ZNHIT3: variants seen among roughly 807,000 people sequenced by gnomAD.
The protein encoded by ZNHIT3 is zinc finger HIT-type containing 3.
A neutral mutation model predicts 19.9 loss-of-function variants in ZNHIT3; 27 were observed. That is an observed-to-expected ratio of 1.36 (90% CI 1.00 to 1.87). The LOEUF (loss-of-function observed/expected upper bound fraction) is 1.87, where lower values mean the gene tolerates loss of function less well. Among genes scored for constraint, ZNHIT3 ranks in the 40% most tolerant of loss-of-function variants. ZNHIT3 has a pLI of 0.00. For missense variants in ZNHIT3, 215 were observed against 185.6 expected, an observed-to-expected ratio of 1.16 and a Z score of -0.92; for synonymous variants, 81 against 65.7, an observed-to-expected ratio of 1.23 and a Z score of -1.13.
chr17:36,495,200 C>T (rs1485948388), intron 4 of ZNHIT3, 23 bp from the exon 5 acceptor site: 1 of 1,547,490 alleles, frequency 6.5e-7, no homozygotes, highest in East Asian at 2.3e-5. Flanking sequence ...CTCAGACTGG[C>T]TTTTTTTCTT....
chr17:36,498,877 C>T, downstream of ZNHIT3: 1 of 596,478 alleles, frequency 1.7e-6, no homozygotes. Flanking sequence ...GCTTATACCA[C>T]TCTTCACCTA....
intron 2 of ZNHIT3, chr17:36,489,650 CAG>C (rs1210361549): frequency 9.4e-5 from 14 of 149,074 alleles, no homozygotes; most frequent in African/African-American, 3.0e-4. Context: ...CTTTTTGAGA[CAG>C]AGTCTTGCTC....
downstream of ZNHIT3, chr17:36,495,958 A>C: frequency 1.1e-6 from 1 of 895,036 alleles, no homozygotes; most frequent in African/African-American, 1.7e-5. Flanking sequence ...AGTGACAGAC[A>C]GTCATGACTG....
intron 3 of ZNHIT3, chr17:36,493,127 T>A: frequency 3.5e-6 from 2 of 579,682 alleles, no homozygotes; most frequent in Non-Finnish European, 6.1e-6. Flanking sequence ...AAGACAGAGA[T>A]GAGAAAGGCC....
At chr17:36,492,283 G>A (rs1567715784) in intron 2 of ZNHIT3, 3 of 154,326 alleles carry the variant, frequency 1.9e-5, no homozygotes, top group African/African-American at 7.2e-5. Context: ...AAGTAGCTGA[G>A]ACCACATGTG....
chr17:36,497,175 C>CA (rs34705114), downstream of ZNHIT3, among the ~76,000 whole-genome samples: 55,681 of 147,518 alleles, frequency 0.38, 10,707 homozygotes, highest in Middle Eastern at 0.48. Context: ...ATTAAAAATA[C>CA]AAAAAAAAAA....
At chr17:36,494,214 G>A (rs1388061967) in intron 4 of ZNHIT3, among the ~76,000 whole-genome samples, 1 of 152,140 alleles carries the variant, frequency 6.6e-6, no homozygotes, top group Admixed American at 6.5e-5. Flanking sequence ...GGTCTTGTGG[G>A]TTGGCAAAAT....
downstream of ZNHIT3, chr17:36,495,867 C>A: frequency 8.1e-7 from 1 of 1,239,154 alleles, no homozygotes; most frequent in Non-Finnish European, 1.0e-6. Flanking sequence ...TTTTTCCCAG[C>A]CCAAATTCCA....
At chr17:36,497,175 C>CAA (rs34705114), downstream of ZNHIT3, among the ~76,000 whole-genome samples, 1,698 of 147,636 alleles carry the variant, frequency 0.012, 27 homozygotes, top group African/African-American at 0.037. Context: ...ATTAAAAATA[C>CAA]AAAAAAAAAA....
chr17:36,491,691 CT>C (rs112358309), intron 2 of ZNHIT3: 6 of 150,704 alleles, frequency 4.0e-5, no homozygotes, highest in Non-Finnish European at 5.9e-5. Flanking sequence ...TCACTTTAAA[CT>C]TTTTTTTTTC....
At chr17:36,491,671 G>C (rs2070728892) in intron 2 of ZNHIT3, 1 of 152,146 alleles carries the variant, frequency 6.6e-6, no homozygotes, top group African/African-American at 2.4e-5. Context: ...CTAGGTAGGT[G>C]ATCTCTCTTT....
At chr17:36,496,400 TC>T, downstream of ZNHIT3, 1 of 1,613,926 alleles carries the variant, frequency 6.2e-7, no homozygotes, top group Non-Finnish European at 8.5e-7. Flanking sequence ...TGAAACTTTA[TC>T]GATCCCTAGA....
At chr17:36,498,252 C>T, downstream of ZNHIT3, 1 of 1,600,622 alleles carries the variant, frequency 6.2e-7, no homozygotes, top group Non-Finnish European at 8.5e-7. Flanking sequence ...TCATGGCCAT[C>T]ACACACAACG....
chr17:36,496,260 C>G (rs376791784), downstream of ZNHIT3: 1,066 of 1,613,962 alleles, frequency 6.6e-4, no homozygotes, highest in Middle Eastern at 9.9e-4. Flanking sequence ...ATCACCCCAG[C>G]CCAGTGAAGG....
chr17:36,493,192 C>T, intron 3 of ZNHIT3: 1 of 479,762 alleles, frequency 2.1e-6, no homozygotes, highest in South Asian at 2.5e-5. Context: ...CCTTCTCTAG[C>T]CCATAGCTGC....
chr17:36,492,682 C>T (rs2070754175), intron 2 of ZNHIT3, 131 bp from the exon 3 acceptor site: 1 of 752,164 alleles, frequency 1.3e-6, no homozygotes, highest in Non-Finnish European at 2.3e-6. Context: ...ACTTCTTCCA[C>T]ATTCCTGGGC....
chr17:36,496,072 G>T, downstream of ZNHIT3: 1 of 907,968 alleles, frequency 1.1e-6, no homozygotes, highest in Non-Finnish European at 1.6e-6. Flanking sequence ...GATGTAGCCT[G>T]GAACCCCAGG....
downstream of ZNHIT3, chr17:36,499,266 G>A (rs188534455): frequency 3.2e-4 from 180 of 554,650 alleles, no homozygotes; most frequent in Middle Eastern, 5.8e-3. Context: ...TTTCAAATAC[G>A]TTTTTTTTTT....
intron 2 of ZNHIT3, among the ~76,000 whole-genome samples, chr17:36,487,397 G>C (rs982917054): frequency 6.6e-6 from 1 of 152,218 alleles, no homozygotes; most frequent in Admixed American, 6.5e-5. Flanking sequence ...AAACAAAGAG[G>C]TAAGTCCATG....
Sources: gnomAD v4.1 joint callset for allele counts (sites outside exome capture counted in the v4.1 genomes callset) on GRCh38, gnomAD v4.1.1 for gene constraint, MANE v1.5 for transcripts, NCBI Gene and HGNC (gene_info 2026-07-23, HGNC 2026-07-21) for gene names.